Variants in SFI1 observed in about 807,000 individuals in gnomAD.
SFI1 encodes SFI1 centrin binding protein, also known as protein SFI1 homolog.
SFI1 carries 195 observed loss-of-function variants against 207.5 expected under a neutral mutation model. The ratio of observed to expected loss-of-function variants is 0.94; its 90% CI spans 0.84 to 1.06. The LOEUF (loss-of-function observed/expected upper bound fraction) is 1.06. SFI1 is among the 50% of genes least tolerant of loss of function. The probability of loss-of-function intolerance (pLI) is 0.00; values close to 1 mark genes in which losing one functional copy is unlikely to be tolerated. For synonymous variants in SFI1, 630 were observed against 598.9 expected, an observed-to-expected ratio of 1.05 and a Z score of -0.76; for missense variants, 1,634 against 1,588.0, an observed-to-expected ratio of 1.03 and a Z score of -0.49.
At chr22:31,599,709 C>T (rs2067796791) in intron 15 of SFI1, among the ~76,000 whole-genome samples, 1 of 152,092 alleles carries the variant, frequency 6.6e-6, no homozygotes, top group Non-Finnish European at 1.5e-5. Flanking sequence ...CTCCTGGGGT[C>T]AAGTGATCCT....
intron 32 of SFI1, 32 bp from the exon 33 acceptor site, chr22:31,618,280 CCT>C (rs1569476915): frequency 1.2e-6 from 2 of 1,603,966 alleles, no homozygotes; most frequent in Admixed American, 1.7e-5. Context: ...GGCTGTGCTC[CCT>C]CTCAGCCCTG....
chr22:31,579,669 C>T (rs1001267371), intron 11 of SFI1, among the ~76,000 whole-genome samples: 3 of 152,080 alleles, frequency 2.0e-5, no homozygotes, highest in Non-Finnish European at 4.4e-5. Context: ...CCAGGCTGGT[C>T]TTGAACTCCT....
chr22:31,593,949 C>T (rs1371000344), intron 15 of SFI1, among the ~76,000 whole-genome samples: 3 of 132,494 alleles, frequency 2.3e-5, no homozygotes, highest in African/African-American at 8.6e-5. Context: ...AGTCCAGCTT[C>T]GGCTCCGCAT....
At chr22:31,597,899 T>C (rs1411648214) in intron 15 of SFI1, among the ~76,000 whole-genome samples, 1 of 152,134 alleles carries the variant, frequency 6.6e-6, no homozygotes, top group East Asian at 1.9e-4. Context: ...ACAAAATTGG[T>C]TTGTCTTTTA....
intron 15 of SFI1, among the ~76,000 whole-genome samples, chr22:31,598,301 T>C (rs966546055): frequency 1.3e-5 from 2 of 151,592 alleles, no homozygotes; most frequent in East Asian, 3.9e-4. Context: ...TCATAATTTA[T>C]GCACCTATAT....
chr22:31,559,532 A>G, intron 7 of SFI1: 1 of 575,792 alleles, frequency 1.7e-6, no homozygotes, highest in South Asian at 1.7e-5. Flanking sequence ...CGAATACTCA[A>G]CAGCAACATC....
In SFI1 at chr22:31,613,758, G is replaced by T. The variant is rs1467451871; in HGVS notation, c.2899G>T (p.Ala967Ser). 2.5e-6 allele frequency: 4 copies of T among 1,613,048 alleles called. No homozygotes were observed. Among genetic ancestry groups the T allele is most frequent in the Non-Finnish European group, 3.4e-6 (4 of 1,179,856 alleles). The change falls in exon 27 of 33, where the codon GCT (alanine) becomes TCT (serine). Residue 967 changes from alanine (A) to serine (S), a missense_variant. Physicochemically the swap from Ala to Ser is moderately conservative, Grantham distance 99. Transcript: ENST00000400288. ...GPLLNRIAAG[A>S]GDGTLETKRP... ...CCTTCTCAACCGCATTGCTGCTGGG[G>T]CTGGGGATGGCACCCTTGAGACCAA...
Position 31,613,400 on chromosome 22 carries a change from A to C in SFI1, c.2612A>C (p.Lys871Thr), listed in dbSNP as rs767758574. The C allele has an allele frequency of 3.7e-6, 6 of 1,611,490 alleles. No individual in the cohort carries two copies. In the Admixed American group the frequency reaches 1.0e-4, roughly 27 times the overall value. Residue 871 changes from lysine (K) to threonine (T), a missense_variant, in exon 26 of 33, where the codon AAG (lysine) becomes ACG (threonine). Lys to Thr is a moderately conservative substitution (Grantham distance 78). Transcript: ENST00000400288. ...LAFVLERRRK[K>T]ARLQWALQAY... Reference sequence around the variant, plus strand: ...TTTGTACTGGAAAGGAGGAGAAAGAAGGCGCGGCTGCAGTGGGCGCTCCAG... The same window carrying C: ...TTTGTACTGGAAAGGAGGAGAAAGACGGCGCGGCTGCAGTGGGCGCTCCAG...
chr22:31,547,024 A>AT, intron 5 of SFI1, 53 bp downstream of exon 5: 1 of 1,292,934 alleles, frequency 7.7e-7, no homozygotes, highest in South Asian at 1.3e-5. Flanking sequence ...TTATCAGATG[A>AT]TTATTTGTTG....
chr22:31,613,889 C>T (rs1319147400), intron 27 of SFI1, 34 bp downstream of exon 27: 18 of 1,550,912 alleles, frequency 1.2e-5, no homozygotes, highest in Non-Finnish European at 1.6e-5. Flanking sequence ...TCCTCGCTTC[C>T]ACCCTGGGCA....
Position 31,531,081 on chromosome 22 carries a change from A to G in SFI1, c.290A>G (p.Tyr97Cys), listed in dbSNP as rs1469300405. Residue 97 changes from tyrosine to cysteine, a missense_variant, in exon 4 of 33, where the codon TAT (tyrosine) becomes TGT (cysteine). Tyr to Cys is a radical substitution (Grantham distance 194). Coordinates refer to ENST00000400288, the MANE Select transcript of SFI1 (RefSeq NM_001007467.3). ...AGATGCGTGGCCAGAAAGTTCTTAT[A>G]TTTATGGATTCGAATGACTTTTGGA... ...RIRCVARKFLYLWIRMTFGRV... is the reference protein window; with the variant it reads ...RIRCVARKFLCLWIRMTFGRV... The G allele has an allele frequency of 1.2e-6, 2 of 1,613,218 alleles. No homozygotes were observed. Among genetic ancestry groups the G allele is most frequent in the Non-Finnish European group, 1.7e-6 (2 of 1,179,782 alleles).
intron 9 of SFI1, 97 bp from the exon 10 acceptor site, chr22:31,575,134 C>A: frequency 1.9e-6 from 2 of 1,048,714 alleles, no homozygotes; most frequent in African/African-American, 1.6e-5. Flanking sequence ...CCTTGAACCC[C>A]TGCTCTCTGC....
intron 5 of SFI1, 36 bp from the exon 6 acceptor site, chr22:31,550,218 T>G: frequency 6.3e-7 from 1 of 1,580,006 alleles, no homozygotes; most frequent in Non-Finnish European, 8.7e-7. Flanking sequence ...GCCTGTTATT[T>G]TGAAGAAATG....
At position 31,606,378 on chromosome 22, in the gene SFI1, C is replaced by G; in HGVS notation, c.2105C>G (p.Ala702Gly). 2.5e-6 allele frequency: 4 copies of G among 1,613,696 alleles called. No individual in the cohort carries two copies. The highest frequency in any genetic ancestry group is 3.4e-6 in the Non-Finnish European group (4 of 1,179,968). The part of the protein sequence containing the change: ...KENTMARVDE[A>G]KKTFQASTHY... ...AACACCATGGCCCGAGTGGATGAAG[C>G]CAAAAAAACCTTTCAAGCAAGTACT... The change falls in exon 21 of 33, where the codon GCC becomes GGC. Residue 702 changes from alanine (A) to glycine (G), a missense_variant. Ala to Gly is a moderately conservative substitution (Grantham distance 60, BLOSUM62 0). Transcript: ENST00000400288.
intron 10 of SFI1, 63 bp from the exon 11 acceptor site, chr22:31,578,319 C>T: frequency 6.7e-7 from 1 of 1,492,754 alleles, no homozygotes; most frequent in South Asian, 1.3e-5. Context: ...AGGTGGCTTG[C>T]TGAGAATGCA....
In SFI1 at chr22:31,564,109, T is replaced by C. The variant is rs13056765; in HGVS notation, c.765+2717T>C. Among the ~76,000 whole-genome samples, 9 of 151,256 alleles carry C rather than the reference T, an allele frequency of 6.0e-5. No homozygotes were observed. In the East Asian group the frequency reaches 1.6e-3, roughly 26 times the overall value. On this transcript the variant is annotated intron_variant, in intron 8 of 32. Transcript: ENST00000400288. ...TTGGGAGGCTGAGGTGGGCGGATCA[T>C]GAGGTCAGGAGATGGAGACCATCCT...
chr22:31,537,064 A>G (rs988042708), intron 4 of SFI1, among the ~76,000 whole-genome samples: 3 of 151,838 alleles, frequency 2.0e-5, no homozygotes, highest in African/African-American at 7.3e-5. Flanking sequence ...TTAACAAGCC[A>G]CCTGGAGATT....
intron 1 of SFI1, among the ~76,000 whole-genome samples, chr22:31,503,861 T>G (rs2054220990): frequency 6.6e-6 from 1 of 152,000 alleles, no homozygotes; most frequent in Non-Finnish European, 1.5e-5. Context: ...AGTTCTAGGA[T>G]TACAGGCATG....
intron 14 of SFI1, among the ~76,000 whole-genome samples, chr22:31,586,343 C>T (rs1418994880): frequency 6.6e-6 from 1 of 152,194 alleles, no homozygotes; most frequent in Non-Finnish European, 1.5e-5. Context: ...GCTGTGAAGT[C>T]CTTTAGAGTA....
Sources: allele counts gnomAD v4.1 joint callset (sites outside exome capture counted in the v4.1 genomes callset), GRCh38; gene constraint gnomAD v4.1.1; transcripts MANE v1.5; gene names NCBI Gene and HGNC (gene_info 2026-07-23, HGNC 2026-07-21).